The following ARB2A variants were observed in gnomAD, a reference collection of about 807,000 sequenced individuals.
The protein encoded by ARB2A is cotranscriptional regulator ARB2A.
chr5:93,844,142 A>T, the ARB2A span, among the ~76,000 whole-genome samples: 11 of 151,792 alleles, frequency 7.2e-5, no homozygotes, highest in South Asian at 2.1e-4. Flanking sequence ...CAAAAAAAAA[A>T]CTCTAAAATT....
chr5:93,906,317 G>C, the ARB2A span, among the ~76,000 whole-genome samples: 1 of 151,210 alleles, frequency 6.6e-6, no homozygotes, highest in Non-Finnish European at 1.5e-5. Flanking sequence ...AAAAGGAGAG[G>C]CTATGAGATG....
At chr5:93,898,159 C>A in the ARB2A span, among the ~76,000 whole-genome samples, 15 of 151,958 alleles carry the variant, frequency 9.9e-5, no homozygotes, top group African/African-American at 3.6e-4. Context: ...ATGAGACATA[C>A]GATTTCTTAT....
chr5:93,703,451 A>C, the ARB2A span, among the ~76,000 whole-genome samples: 1 of 152,258 alleles, frequency 6.6e-6, no homozygotes, highest in African/African-American at 2.4e-5. Context: ...GGCACAAAGC[A>C]GGGATGCAAA....
the ARB2A span, among the ~76,000 whole-genome samples, chr5:93,953,672 G>T: frequency 6.6e-6 from 1 of 151,990 alleles, no homozygotes; most frequent in Non-Finnish European, 1.5e-5. Context: ...TCCACTCAAG[G>T]TACTACGGTT....
the ARB2A span, among the ~76,000 whole-genome samples, chr5:94,026,742 T>C: frequency 1.1e-4 from 16 of 152,122 alleles, no homozygotes; most frequent in Admixed American, 5.2e-4. Flanking sequence ...TTTCAGGCTT[T>C]AAACTGTCTT....
the ARB2A span, chr5:93,964,468 AC>A: frequency 6.4e-7 from 1 of 1,572,524 alleles, no homozygotes; most frequent in Non-Finnish European, 8.7e-7. Context: ...TGGAATAGAT[AC>A]TTTTTTCAAA....
chr5:93,988,121 ATCGCCAT>A, the ARB2A span, among the ~76,000 whole-genome samples: 1 of 152,090 alleles, frequency 6.6e-6, no homozygotes, highest in African/African-American at 2.4e-5. Flanking sequence ...CATCTCTACT[ATCGCCAT>A]TCTAGTCATA....
At chr5:93,922,360 C>T in the ARB2A span, among the ~76,000 whole-genome samples, 1 of 151,430 alleles carries the variant, frequency 6.6e-6, no homozygotes, top group African/African-American at 2.4e-5. Context: ...GACACTACAC[C>T]AGAAGAATCA....
the ARB2A span, among the ~76,000 whole-genome samples, chr5:93,951,336 G>T: frequency 6.6e-6 from 1 of 152,112 alleles, no homozygotes; most frequent in African/African-American, 2.4e-5. Flanking sequence ...GATTTGAGGC[G>T]ATCCCGTTTG....
chr5:94,018,068 C>T, the ARB2A span, among the ~76,000 whole-genome samples: 21 of 152,256 alleles, frequency 1.4e-4, no homozygotes, highest in African/African-American at 5.1e-4. Context: ...CTGAGGCCTG[C>T]CCAGCCATAT....
At chr5:94,012,101 T>C in the ARB2A span, among the ~76,000 whole-genome samples, 1 of 152,110 alleles carries the variant, frequency 6.6e-6, no homozygotes, top group Non-Finnish European at 1.5e-5. Context: ...GGAAAAATAA[T>C]CTTAAAAACA....
the ARB2A span, among the ~76,000 whole-genome samples, chr5:94,087,956 AACAAC>A: frequency 6.6e-6 from 1 of 152,184 alleles, no homozygotes; most frequent in Non-Finnish European, 1.5e-5. Flanking sequence ...GAAATCACCT[AACAAC>A]ACATTTCTCA....
chr5:94,086,741 C>CG, the ARB2A span, among the ~76,000 whole-genome samples: 5 of 151,982 alleles, frequency 3.3e-5, no homozygotes, highest in Admixed American at 2.0e-4. Context: ...TTAGTAGAGA[C>CG]GGGGTTTCAC....
chr5:94,020,609 C>T, the ARB2A span, among the ~76,000 whole-genome samples: 1 of 152,070 alleles, frequency 6.6e-6, no homozygotes, highest in African/African-American at 2.4e-5. Context: ...AAACAAGAAA[C>T]ATAACACTTG....
chr5:93,824,361 T>G, the ARB2A span: 1 of 767,028 alleles, frequency 1.3e-6, no homozygotes, highest in Non-Finnish European at 1.9e-6. Flanking sequence ...ACACAGCATA[T>G]GAAATACAAT....
At chr5:93,923,492 A>G in the ARB2A span, among the ~76,000 whole-genome samples, 1 of 152,294 alleles carries the variant, frequency 6.6e-6, no homozygotes, top group African/African-American at 2.4e-5. Flanking sequence ...CATTTTCCAA[A>G]TAACTTTTTA....
At chr5:93,830,311 G>GTGTGTA in the ARB2A span, among the ~76,000 whole-genome samples, 1 of 82,268 alleles carries the variant, frequency 1.2e-5, no homozygotes, top group Non-Finnish European at 2.4e-5. Context: ...GTGTGTGTGT[G>GTGTGTA]TATATATATA....
the ARB2A span, among the ~76,000 whole-genome samples, chr5:93,789,813 C>A: frequency 6.6e-6 from 1 of 152,158 alleles, no homozygotes; most frequent in South Asian, 2.1e-4. Context: ...ACTAAGAGAA[C>A]AAATACCATC....
At chr5:93,800,389 A>ACACG in the ARB2A span, among the ~76,000 whole-genome samples, 1 of 143,730 alleles carries the variant, frequency 7.0e-6, no homozygotes, top group Admixed American at 6.9e-5. Context: ...TTTCACACAC[A>ACACG]CACACACACA....
Sources: allele counts gnomAD v4.1 joint callset (sites outside exome capture counted in the v4.1 genomes callset), GRCh38; gene constraint gnomAD v4.1.1; transcripts MANE v1.5; gene names NCBI Gene and HGNC (gene_info 2026-07-23, HGNC 2026-07-21).